The following BDH2 variants were observed in gnomAD, a reference collection of about 807,000 sequenced individuals.
BDH2 encodes 3-hydroxybutyrate dehydrogenase 2.
Under a neutral mutation model 33.2 loss-of-function variants are expected in BDH2, and 24 were observed. That is an observed-to-expected ratio of 0.72 (90% CI 0.52 to 1.02). The LOEUF is 1.02. Among genes scored for constraint, BDH2 ranks in the 50% least tolerant of loss-of-function variants. BDH2 has a pLI of 0.00. For missense variants in BDH2, 249 were observed against 301.6 expected, an observed-to-expected ratio of 0.83 and a Z score of 1.29; for synonymous variants, 81 against 101.6, an observed-to-expected ratio of 0.80 and a Z score of 1.22.
chr4:103,077,773 C>G lies in BDH2; in HGVS notation c.*1929G>C, dbSNP rs1747305813. The stretch of plus-strand genomic sequence containing the variant: ...GTTACAGCATTTTGATTATGATACA[C>G]GAAAAGAAACCCAAGTCATTTAGCT... On this transcript the variant is annotated 3_prime_UTR_variant, in exon 10 of 10. Coordinates refer to ENST00000296424, the MANE Select transcript of BDH2 (RefSeq NM_020139.4). Among the ~76,000 whole-genome samples the G allele has an allele frequency of 1.3e-5, 2 of 152,070 alleles. No individual in the cohort carries two copies.
rs1747334917 is a variant in BDH2 at position 103,078,275 on chromosome 4, C to T, written c.*1427G>A. Among the ~76,000 whole-genome samples, 1 of 152,046 alleles carries T rather than the reference C, an allele frequency of 6.6e-6. No homozygotes were observed. Among genetic ancestry groups the T allele is most frequent in the Non-Finnish European group, 1.5e-5 (1 of 67,970 alleles). On this transcript the variant is annotated 3_prime_UTR_variant, in exon 10 of 10. Transcript: ENST00000296424. ...TTACTTTTCTTGAAAAATTTATTTT[C>T]TTTAATTTCGTTTGTTTCCTGTTAC... is the stretch of plus-strand genomic sequence containing the variant.
chr4:103,081,333 T>C (rs976769632), intron 9 of BDH2, among the ~76,000 whole-genome samples: 5 of 152,240 alleles, frequency 3.3e-5, no homozygotes, highest in Non-Finnish European at 7.3e-5. Context: ...AGTCTCACTC[T>C]GTCACCCAGG....
chr4:103,091,765 GA>G (rs1202095844), intron 4 of BDH2: 18 of 455,650 alleles, frequency 4.0e-5, no homozygotes, highest in African/African-American at 3.4e-4. Flanking sequence ...AAGAGAGAGA[GA>G]AAAAACATCT....
chr4:103,086,776 C>G (rs1747813549), intron 5 of BDH2, among the ~76,000 whole-genome samples: 2 of 152,194 alleles, frequency 1.3e-5, no homozygotes, highest in Admixed American at 1.3e-4. Flanking sequence ...AGGGGGATTA[C>G]CACCTTCCCA....
rs1255767528 is a variant in BDH2 at position 103,086,496 on chromosome 4, C to T, written c.402G>A (p.Val134=). 1 of 1,612,034 alleles carries T rather than the reference C, an allele frequency of 6.2e-7. No individual in the cohort carries two copies. The highest frequency in any genetic ancestry group is 1.3e-5 in the African/African-American group (1 of 74,480). ...CAGACCCACCTTTGACGCTGGAAGC[C>T]ACAGAAGACATGTTGATAATATTGC... is the stretch of plus-strand genomic sequence containing the variant. ...KSGNIINMSS[V]ASSVKGVVNR... Residue 134 remains valine, a synonymous_variant, in exon 6 of 10, where the codon GTG becomes GTA. Coordinates refer to ENST00000296424, the MANE Select transcript of BDH2 (RefSeq NM_020139.4).
At chr4:103,097,915 T>C (rs2125814182) in intron 1 of BDH2, among the ~76,000 whole-genome samples, 2 of 152,344 alleles carry the variant, frequency 1.3e-5, no homozygotes, top group Middle Eastern at 3.4e-3. Context: ...CCTAGTCCTT[T>C]CTCTTTGAAC....
At chr4:103,085,724 A>G in intron 6 of BDH2, 2 of 1,402,468 alleles carry the variant, frequency 1.4e-6, no homozygotes, top group Non-Finnish European at 1.9e-6. Context: ...TTAGTTTCTC[A>G]TCATCAGTTG....
intron 1 of BDH2, chr4:103,099,076 C>T (rs1473292301): frequency 6.6e-6 from 1 of 152,078 alleles, no homozygotes; most frequent in Non-Finnish European, 1.5e-5. Context: ...TAAAGTATAA[C>T]TTTAGAAAGA....
At chr4:103,089,493 C>T (rs1747967579) in intron 5 of BDH2, among the ~76,000 whole-genome samples, 1 of 152,072 alleles carries the variant, frequency 6.6e-6, no homozygotes, top group Admixed American at 6.6e-5. Flanking sequence ...TGTTTTTGGC[C>T]CACATGGATA....
intron 9 of BDH2, 93 bp downstream of exon 9, chr4:103,081,988 C>A: frequency 9.8e-7 from 1 of 1,018,124 alleles, no homozygotes; most frequent in Non-Finnish European, 1.5e-6. Flanking sequence ...CACATATATG[C>A]CACAAACTCT....
At chr4:103,081,059 GT>G (rs1284910998) in intron 9 of BDH2, among the ~76,000 whole-genome samples, 1 of 152,168 alleles carries the variant, frequency 6.6e-6, no homozygotes, top group Non-Finnish European at 1.5e-5. Flanking sequence ...CTCCCGCCTA[GT>G]CCCCTTTCCT....
At position 103,095,242 on chromosome 4, in the gene BDH2, T is replaced by C. The variant is rs199665964; in HGVS notation, c.112A>G (p.Ile38Val). Residue 38 changes from isoleucine to valine, a missense_variant, in exon 3 of 10, where the codon ATT (isoleucine) becomes GTT (valine). Coordinates refer to ENST00000296424, the MANE Select transcript of BDH2 (RefSeq NM_020139.4). ...REGAKVIATD[I>V]NESKLQELEK... ...AGTTCCTGAAGTTTGGACTCATTAA[T>C]GTCTGTGGCTATGACTTTGGCACCT... The C allele has an allele frequency of 8.1e-6, 13 of 1,613,928 alleles. No individual in the cohort carries two copies. Among genetic ancestry groups the C allele is most frequent in the African/African-American group, 4.0e-5 (3 of 75,058 alleles).
intron 7 of BDH2, 73 bp downstream of exon 7, chr4:103,085,276 A>G: frequency 5.8e-6 from 7 of 1,200,078 alleles, no homozygotes; most frequent in Non-Finnish European, 8.4e-6. Flanking sequence ...AGCCATAGGC[A>G]ATAACATAAG....
chr4:103,080,446 C>A (rs1747451659), intron 9 of BDH2, among the ~76,000 whole-genome samples: 3 of 152,210 alleles, frequency 2.0e-5, no homozygotes, highest in South Asian at 2.1e-4. Context: ...GTTTAAAAAT[C>A]TTTTAACTTA....
At chr4:103,096,833 G>A (rs1484374152) in intron 1 of BDH2, among the ~76,000 whole-genome samples, 3 of 152,036 alleles carry the variant, frequency 2.0e-5, no homozygotes, top group Non-Finnish European at 4.4e-5. Flanking sequence ...GAGCCACTGT[G>A]CCCAGCCCAG....
At chr4:103,093,619 T>C (rs1468718944) in intron 3 of BDH2, among the ~76,000 whole-genome samples, 1 of 147,770 alleles carries the variant, frequency 6.8e-6, no homozygotes, top group East Asian at 1.9e-4. Flanking sequence ...TGTATACATA[T>C]AATATATAAT....
At chr4:103,095,474 G>A (rs1748357305) in intron 2 of BDH2, among the ~76,000 whole-genome samples, 193 bp from the exon 3 acceptor site, 1 of 151,974 alleles carries the variant, frequency 6.6e-6, no homozygotes, top group African/African-American at 2.4e-5. Context: ...TTAGAACAAT[G>A]TGACATACAT....
chr4:103,081,474 TTAG>T (rs1441877975), intron 9 of BDH2, among the ~76,000 whole-genome samples: 1 of 152,152 alleles, frequency 6.6e-6, no homozygotes, highest in Non-Finnish European at 1.5e-5. Flanking sequence ...TTTTCTGTTT[TTAG>T]TAGAGACGAG....
chr4:103,086,439 CG>C (rs779654743), intron 6 of BDH2, 40 bp downstream of exon 6: 1 of 1,599,734 alleles, frequency 6.3e-7, no homozygotes, highest in East Asian at 2.2e-5. Flanking sequence ...TAATGATGTG[CG>C]TGTATGAGCA....
Sources: gnomAD v4.1 joint callset for allele counts (sites outside exome capture counted in the v4.1 genomes callset) on GRCh38, gnomAD v4.1.1 for gene constraint, MANE v1.5 for transcripts, NCBI Gene and HGNC (gene_info 2026-07-23, HGNC 2026-07-21) for gene names.